The following HRH2 variants were observed in gnomAD, a reference collection of about 807,000 sequenced individuals.
HRH2 encodes the protein histamine receptor H2.
In HRH2, 4 loss-of-function variants were observed where a neutral mutation model predicts 20.1. That is an observed-to-expected ratio of 0.20 (90% CI 0.10 to 0.45). HRH2 has a LOEUF of 0.45. Ranked by LOEUF, HRH2 falls within the 20% of genes least tolerant of loss-of-function variation. The pLI, the probability that HRH2 is intolerant of heterozygous loss-of-function variation, is 0.99. For missense variants in HRH2, 250 were observed against 461.6 expected (o/e 0.54, Z 4.20); for synonymous variants, 197 against 200.7 (o/e 0.98, Z 0.16).
rs79123778 is a variant in HRH2 at position 175,668,314 on chromosome 5, C to T, written c.-526+10159C>T. On this transcript the variant is annotated intron_variant, in intron 1 of 2. Coordinates refer to ENST00000636584, the MANE Select transcript of HRH2 (RefSeq NM_001367711.1). ...TTGGCACACATTTACCCACTGACTC[C>T]GCACAGCAGTCAGACAGCGGGGGAC... Among the ~76,000 whole-genome samples, 568 of 152,280 alleles carry T rather than the reference C, an allele frequency of 3.7e-3. 9 individuals are homozygous for T. In the East Asian group the frequency reaches 0.075, roughly 20 times the overall value.
At chr5:175,672,708 C>T (rs1157643553) in intron 1 of HRH2, among the ~76,000 whole-genome samples, 1 of 152,192 alleles carries the variant, frequency 6.6e-6, no homozygotes, top group African/African-American at 2.4e-5. Context: ...ACCCTGGATC[C>T]TGACCCTCGC....
At chr5:175,659,217 A>G (rs927701337) in intron 1 of HRH2, among the ~76,000 whole-genome samples, 2 of 152,186 alleles carry the variant, frequency 1.3e-5, no homozygotes, top group Non-Finnish European at 2.9e-5. Flanking sequence ...GACGTCTCTC[A>G]GATGGCAGTT....
intron 2 of HRH2, among the ~76,000 whole-genome samples, chr5:175,694,607 C>T (rs901157094): frequency 6.6e-6 from 1 of 152,148 alleles, no homozygotes. Flanking sequence ...GAGATTTTGA[C>T]GATCTCCTGC....
At chr5:175,672,957 G>A (rs756697437) in intron 1 of HRH2, among the ~76,000 whole-genome samples, 19 of 151,522 alleles carry the variant, frequency 1.3e-4, no homozygotes, top group African/African-American at 2.4e-4. Context: ...AGGAATAAGA[G>A]CAAGGTTAGG....
chr5:175,674,648 G>A (rs1419893575), intron 1 of HRH2, among the ~76,000 whole-genome samples: 1 of 152,170 alleles, frequency 6.6e-6, no homozygotes, highest in African/African-American at 2.4e-5. Context: ...TTTTCAGCCT[G>A]TGCAGAGGGG....
In HRH2 at chr5:175,693,914, C is replaced by T. The variant is rs1243100122; in HGVS notation, c.1076+9605C>T. On this transcript the variant is annotated intron_variant, in intron 2 of 2. Coordinates refer to ENST00000636584, the MANE Select transcript of HRH2 (RefSeq NM_001367711.1). The surrounding 1 kb of genome is among the most constrained non-coding windows in gnomAD (Gnocchi z 4.4). The stretch of plus-strand genomic sequence containing the variant: ...TCACTCATCCCTTACCAGACACTCT[C>T]GCAAGCTGGGAAGCTATTTGTGACA... 1.3e-5 allele frequency among the ~76,000 whole-genome samples: 2 copies of T among 152,178 alleles called. No homozygotes were observed. Among genetic ancestry groups the T allele is most frequent in the South Asian group, 2.1e-4 (1 of 4,822 alleles).
At chr5:175,660,085 C>T (rs921145818) in intron 1 of HRH2, among the ~76,000 whole-genome samples, 4 of 152,144 alleles carry the variant, frequency 2.6e-5, no homozygotes, top group African/African-American at 4.8e-5. Flanking sequence ...CCCTCCCAGG[C>T]GATGCGTCCG....
chr5:175,667,455 C>A (rs1225711749), intron 1 of HRH2, among the ~76,000 whole-genome samples: 2 of 126,354 alleles, frequency 1.6e-5, no homozygotes, highest in Non-Finnish European at 3.3e-5. Context: ...TCCCCCCACC[C>A]CCCAAAAAAA....
At position 175,687,313 on chromosome 5, in the gene HRH2, G is replaced by C. The variant is rs1756206127; in HGVS notation, c.1076+3004G>C. Among the ~76,000 whole-genome samples the C allele has an allele frequency of 6.6e-6, 1 of 152,176 alleles. No homozygotes were observed. Among genetic ancestry groups the C allele is most frequent in the Admixed American group, 6.5e-5 (1 of 15,282 alleles). On this transcript the variant is annotated intron_variant, in intron 2 of 2. Transcript: ENST00000636584. This position sits in a 1 kb window ranked among gnomAD's most constrained non-coding sequence, Gnocchi z 5.2. ...CAGTTTCCCTGCTGGCTGATAGCAT[G>C]TCCTCCAGCTCTCCGTCTGGGGACA...
intron 2 of HRH2, among the ~76,000 whole-genome samples, chr5:175,684,669 TCAAC>T (rs1163736226): frequency 6.6e-6 from 1 of 152,198 alleles, no homozygotes; most frequent in African/African-American, 2.4e-5. Context: ...TCGTAAGTGT[TCAAC>T]CAACCCCTCC....
intron 1 of HRH2, among the ~76,000 whole-genome samples, chr5:175,676,462 T>C (rs952377903): frequency 1.3e-5 from 2 of 152,204 alleles, no homozygotes; most frequent in Non-Finnish European, 2.9e-5. Context: ...TTCTAGAGGA[T>C]TGGGACCACC....
chr5:175,662,879 G>C (rs531006443), intron 1 of HRH2, among the ~76,000 whole-genome samples: 1 of 152,052 alleles, frequency 6.6e-6, no homozygotes, highest in African/African-American at 2.4e-5. Context: ...ACTTTCCCTC[G>C]CTATAGGTTT....
intron 1 of HRH2, among the ~76,000 whole-genome samples, chr5:175,667,359 G>A (rs985611983): frequency 1.4e-4 from 21 of 152,030 alleles, no homozygotes; most frequent in Non-Finnish European, 2.2e-4. Flanking sequence ...CAGGAGAATC[G>A]CTTGAACCTG....
chr5:175,691,891 A>G (rs1424385669), intron 2 of HRH2, among the ~76,000 whole-genome samples: 1 of 151,966 alleles, frequency 6.6e-6, no homozygotes, highest in Non-Finnish European at 1.5e-5. Context: ...AGAGAAAAAA[A>G]AAAGGAGCAC....
intron 2 of HRH2, among the ~76,000 whole-genome samples, chr5:175,699,997 T>C (rs1221197308): frequency 6.6e-6 from 1 of 152,152 alleles, no homozygotes; most frequent in African/African-American, 2.4e-5. Context: ...TTCAGGACTG[T>C]CCCTGTTGTA....
intron 2 of HRH2, among the ~76,000 whole-genome samples, chr5:175,688,588 A>G (rs1226747126): frequency 1.3e-5 from 2 of 152,216 alleles, no homozygotes; most frequent in Non-Finnish European, 2.9e-5. Context: ...TCCCAGAAAC[A>G]GAGGAGCTGG....
At chr5:175,663,373 A>T (rs1223961538) in intron 1 of HRH2, among the ~76,000 whole-genome samples, 1 of 152,104 alleles carries the variant, frequency 6.6e-6, no homozygotes, top group Non-Finnish European at 1.5e-5. Context: ...AAGTCGTGTC[A>T]TTGTGGTTTC....
intron 1 of HRH2, among the ~76,000 whole-genome samples, chr5:175,682,227 T>C (rs1395599933): frequency 2.6e-5 from 4 of 152,236 alleles, no homozygotes; most frequent in Non-Finnish European, 2.9e-5. Flanking sequence ...GCCACCGCCT[T>C]AGAGTATGAT....
In HRH2 at chr5:175,670,977, C is replaced by G. The variant is rs374668392; in HGVS notation, c.-525-11732C>G. Among the ~76,000 whole-genome samples, 14 of 152,356 alleles carry G rather than the reference C, an allele frequency of 9.2e-5. No individual in the cohort carries two copies. The South Asian group carries it at 2.5e-3, about 27-fold the overall frequency. On this transcript the variant is annotated intron_variant, in intron 1 of 2. Coordinates refer to ENST00000636584, the MANE Select transcript of HRH2 (RefSeq NM_001367711.1). ...CTTATACTCACCCGGCAGGGGCCAA[C>G]AGAGAAAGAAAGAATGGCGCACATG... is the stretch of plus-strand genomic sequence containing the variant.
Sources: allele counts gnomAD v4.1 joint callset (sites outside exome capture counted in the v4.1 genomes callset), GRCh38; gene constraint gnomAD v4.1.1; non-coding constraint Gnocchi (gnomAD v3.1); transcripts MANE v1.5; gene names NCBI Gene and HGNC (gene_info 2026-07-23, HGNC 2026-07-21).